Variants in PCDH15 observed in about 807,000 individuals in gnomAD.
The protein encoded by PCDH15 is protocadherin-15.
Under a neutral mutation model 178.5 loss-of-function variants are expected in PCDH15, and 129 were observed. The observed-to-expected ratio is 0.72, with a 90% CI of 0.63 to 0.84. PCDH15 has a LOEUF of 0.84. Among genes scored for constraint, PCDH15 ranks in the 40% least tolerant of loss-of-function variants. PCDH15 has a pLI of 0.00. For missense variants in PCDH15, 2,230 were observed against 2,099.9 expected, an observed-to-expected ratio of 1.06 and a Z score of -1.21; for synonymous variants, 800 against 732.0, an observed-to-expected ratio of 1.09 and a Z score of -1.50.
At chr10:54,726,575 T>C (rs1942568120) in intron 1 of PCDH15, among the ~76,000 whole-genome samples, 1 of 151,154 alleles carries the variant, frequency 6.6e-6, no homozygotes, top group Non-Finnish European at 1.5e-5. Context: ...ATGAGAGATA[T>C]GGAATTCAGA....
chr10:55,266,100 C>G (rs193097700), intron 1 of PCDH15, among the ~76,000 whole-genome samples: 6 of 152,258 alleles, frequency 3.9e-5, no homozygotes, highest in African/African-American at 1.2e-4. Flanking sequence ...TACAATGTTG[C>G]TGTTACTATA....
chr10:55,524,567 A>G lies in PCDH15; in HGVS notation c.-156+103058T>C, dbSNP rs1000432437. Among the ~76,000 whole-genome samples, 7 of 151,470 alleles carry G rather than the reference A, an allele frequency of 4.6e-5. No individual in the cohort carries two copies. In the Admixed American group the frequency reaches 4.6e-4, roughly 10 times the overall value. ...TTTTACCTTTAAGAAACCACTAACAATTTTAAAATTGCATACATATCTTGC... is the reference window on the plus strand; with the variant it reads ...TTTTACCTTTAAGAAACCACTAACAGTTTTAAAATTGCATACATATCTTGC... On this transcript the variant is annotated intron_variant, in intron 2 of 5. Coordinates refer to the PCDH15 transcript ENST00000613346.
At chr10:54,183,662 AC>A in intron 12 of PCDH15, 69 bp from the exon 13 acceptor site, 1 of 1,566,104 alleles carries the variant, frequency 6.4e-7, no homozygotes, top group Non-Finnish European at 8.8e-7. Context: ...GTTTGCTCTT[AC>A]AGTTTAACAA....
chr10:54,621,282 T>C (rs1460921946), intron 2 of PCDH15, among the ~76,000 whole-genome samples: 1 of 151,980 alleles, frequency 6.6e-6, no homozygotes, highest in Non-Finnish European at 1.5e-5. Context: ...GCAACAGTAA[T>C]TACTATTATT....
chr10:55,416,165 T>C (rs556292193), intron 2 of PCDH15, among the ~76,000 whole-genome samples: 1 of 151,876 alleles, frequency 6.6e-6, no homozygotes, highest in East Asian at 1.9e-4. Context: ...AGTTTTTCAT[T>C]ATAAATACTA....
intron 5 of PCDH15, among the ~76,000 whole-genome samples, chr10:54,359,009 T>G (rs1256598485): frequency 1.1e-5 from 1 of 92,626 alleles, no homozygotes; most frequent in East Asian, 3.4e-4. Context: ...TGGGGACTGT[T>G]GTGGGGTGGG....
chr10:55,222,911 T>C (rs1840927529), intron 1 of PCDH15, among the ~76,000 whole-genome samples: 1 of 151,800 alleles, frequency 6.6e-6, no homozygotes, highest in South Asian at 2.1e-4. Context: ...TATAGTGAAA[T>C]CTTTTATCTT....
At chr10:55,424,500 G>A (rs1345497269) in intron 2 of PCDH15, among the ~76,000 whole-genome samples, 3 of 152,174 alleles carry the variant, frequency 2.0e-5, no homozygotes, top group Admixed American at 6.5e-5. Context: ...TTTCTGGCTC[G>A]CAATTAGGTA....
intron 3 of PCDH15, among the ~76,000 whole-genome samples, chr10:54,877,936 C>CTTTTTTTTT (rs1954176789): frequency 6.7e-5 from 7 of 104,344 alleles, no homozygotes; most frequent in Non-Finnish European, 1.0e-4. Context: ...CTCTCTCTCT[C>CTTTTTTTTT]TCTTTTTTTT....
At chr10:54,499,215 T>C (rs2137356843) in intron 3 of PCDH15, among the ~76,000 whole-genome samples, 1 of 152,146 alleles carries the variant, frequency 6.6e-6, no homozygotes, top group South Asian at 2.1e-4. Flanking sequence ...AAACATACAA[T>C]GATAATAGGA....
chr10:54,360,028 T>C (rs920934893), intron 5 of PCDH15, among the ~76,000 whole-genome samples: 1 of 152,278 alleles, frequency 6.6e-6, no homozygotes, highest in East Asian at 1.9e-4. Flanking sequence ...ACAGAACTGA[T>C]GTTTATGTTT....
chr10:54,704,484 C>T (rs1448438844), intron 1 of PCDH15, among the ~76,000 whole-genome samples: 1 of 151,866 alleles, frequency 6.6e-6, no homozygotes, highest in Non-Finnish European at 1.5e-5. Context: ...ACAAAAACCA[C>T]ACAAATAAAC....
At chr10:54,679,211 A>AAC (rs1555144837) in intron 1 of PCDH15, among the ~76,000 whole-genome samples, 14 of 147,830 alleles carry the variant, frequency 9.5e-5, no homozygotes, top group Middle Eastern at 3.5e-3. Context: ...AAAAAAAAAA[A>AAC]CATACAATTG....
chr10:54,879,646 G>A (rs1312194798), intron 3 of PCDH15, among the ~76,000 whole-genome samples: 1 of 150,340 alleles, frequency 6.7e-6, no homozygotes, highest in Non-Finnish European at 1.5e-5. Flanking sequence ...ACTGAATATT[G>A]GTTTATTTTC....
intron 8 of PCDH15, among the ~76,000 whole-genome samples, chr10:54,244,182 T>C (rs1298821015): frequency 6.6e-6 from 1 of 152,194 alleles, no homozygotes; most frequent in Non-Finnish European, 1.5e-5. Flanking sequence ...ATCATACTCT[T>C]TATTCTACCA....
chr10:55,053,609 C>T (rs937053720), intron 2 of PCDH15, among the ~76,000 whole-genome samples: 2 of 152,076 alleles, frequency 1.3e-5, no homozygotes, highest in African/African-American at 4.8e-5. Context: ...ATCTCATTGG[C>T]TTTGTATTGT....
chr10:54,461,871 A>T, intron 3 of PCDH15, among the ~76,000 whole-genome samples: 1 of 152,152 alleles, frequency 6.6e-6, no homozygotes, highest in South Asian at 2.1e-4. Flanking sequence ...TAAGGATTTA[A>T]TATTTAATTC....
intron 1 of PCDH15, among the ~76,000 whole-genome samples, chr10:54,678,740 T>C (rs2094838174): frequency 6.6e-6 from 1 of 152,186 alleles, no homozygotes; most frequent in African/African-American, 2.4e-5. Flanking sequence ...GCATACATAA[T>C]ATTATATCTG....
chr10:54,575,224 G>T (rs1201752073), intron 2 of PCDH15: 1 of 150,690 alleles, frequency 6.6e-6, no homozygotes, highest in African/African-American at 2.4e-5. Context: ...TGGGTGCAGT[G>T]CACCAGCATG....
Sources: gnomAD v4.1 joint callset for allele counts (sites outside exome capture counted in the v4.1 genomes callset) on GRCh38, gnomAD v4.1.1 for gene constraint, MANE v1.5 for transcripts, NCBI Gene and HGNC (gene_info 2026-07-23, HGNC 2026-07-21) for gene names.